The following GPC5 variants were observed in gnomAD, a reference collection of about 807,000 sequenced individuals.
GPC5 encodes the protein glypican 5, also known as glypican-5.
A neutral mutation model predicts 53.9 loss-of-function variants in GPC5; 47 were observed. The ratio of observed to expected loss-of-function variants is 0.87; its 90% CI spans 0.69 to 1.11. The LOEUF (loss-of-function observed/expected upper bound fraction) is 1.11, where lower values mean the gene tolerates loss of function less well. Among genes scored for constraint, GPC5 ranks in the 50% most tolerant of loss-of-function variants. The pLI is 0.00. For synonymous variants in GPC5, 286 were observed against 263.3 expected (o/e 1.09, Z -0.84); for missense variants, 748 against 713.1 (o/e 1.05, Z -0.56).
intron 7 of GPC5, among the ~76,000 whole-genome samples, chr13:92,278,198 A>T (rs2042889475): frequency 6.6e-6 from 1 of 151,948 alleles, no homozygotes; most frequent in African/African-American, 2.4e-5. Context: ...TGTGGTCTAC[A>T]TATTTAAAAT....
At chr13:91,956,919 G>A (rs1167229437) in intron 6 of GPC5, among the ~76,000 whole-genome samples, 1 of 152,074 alleles carries the variant, frequency 6.6e-6, no homozygotes, top group Non-Finnish European at 1.5e-5. Flanking sequence ...ACATGAAAAA[G>A]CAAGGAAATT....
chr13:92,524,066 A>G, intron 7 of GPC5, among the ~76,000 whole-genome samples: 1 of 152,060 alleles, frequency 6.6e-6, no homozygotes. Flanking sequence ...GGGTTGCTGT[A>G]ACAATTTATT....
chr13:91,749,101 T>C (rs944202730), intron 4 of GPC5, among the ~76,000 whole-genome samples: 3 of 152,148 alleles, frequency 2.0e-5, no homozygotes, highest in Non-Finnish European at 4.4e-5. Flanking sequence ...TGTTGTGTAG[T>C]AGTGAAGTCT....
intron 7 of GPC5, among the ~76,000 whole-genome samples, chr13:92,201,566 A>T (rs2042295488): frequency 6.6e-6 from 1 of 151,938 alleles, no homozygotes; most frequent in Admixed American, 6.5e-5. Context: ...TGAAGAATGA[A>T]CTCCATTCCA....
chr13:92,377,923 G>A (rs770354198), intron 7 of GPC5, among the ~76,000 whole-genome samples: 2 of 152,144 alleles, frequency 1.3e-5, no homozygotes, highest in Non-Finnish European at 1.5e-5. Context: ...TTTACTTCTT[G>A]TATCCTGAAT....
intron 6 of GPC5, among the ~76,000 whole-genome samples, chr13:92,029,635 G>A (rs1001469382): frequency 6.6e-6 from 1 of 152,206 alleles, no homozygotes; most frequent in Non-Finnish European, 1.5e-5. Flanking sequence ...GGTTTGAGGA[G>A]AGTGTGATTT....
intron 6 of GPC5, among the ~76,000 whole-genome samples, chr13:92,014,836 T>C (rs1174687024): frequency 6.6e-6 from 1 of 152,154 alleles, no homozygotes; most frequent in African/African-American, 2.4e-5. Flanking sequence ...ATCTATGCAT[T>C]AGAAAGATGA....
At chr13:91,601,474 C>T (rs554153094) in intron 2 of GPC5, among the ~76,000 whole-genome samples, 8 of 152,232 alleles carry the variant, frequency 5.3e-5, no homozygotes, top group Admixed American at 2.6e-4. Flanking sequence ...CCTACCAGTC[C>T]GTGGCCTGTT....
intron 7 of GPC5, among the ~76,000 whole-genome samples, chr13:92,207,951 A>C (rs2042349274): frequency 6.6e-6 from 1 of 152,234 alleles, no homozygotes; most frequent in Non-Finnish European, 1.5e-5. Flanking sequence ...TGTAACAATT[A>C]AACTTGTCCC....
chr13:91,942,341 C>T (rs1566354339), intron 6 of GPC5, among the ~76,000 whole-genome samples: 1 of 152,028 alleles, frequency 6.6e-6, no homozygotes, highest in African/African-American at 2.4e-5. Context: ...TTGTTACAGT[C>T]ATTTTATCAT....
chr13:92,153,385 G>A (rs1593937044), intron 7 of GPC5, among the ~76,000 whole-genome samples: 1 of 152,148 alleles, frequency 6.6e-6, no homozygotes, highest in Non-Finnish European at 1.5e-5. Flanking sequence ...TGATCCACCT[G>A]CCTCAGCCTC....
chr13:92,527,274 A>G (rs569855830), intron 7 of GPC5, among the ~76,000 whole-genome samples: 3 of 149,466 alleles, frequency 2.0e-5, no homozygotes, highest in African/African-American at 5.0e-5. Context: ...AAAGAAAGAA[A>G]GAAAGAAAAA....
intron 7 of GPC5, among the ~76,000 whole-genome samples, chr13:92,283,607 T>G (rs538770854): frequency 4.7e-4 from 72 of 152,342 alleles, no homozygotes; most frequent in African/African-American, 1.6e-3. Context: ...ACCGCTCAAC[T>G]ACATGGAAAC....
At chr13:92,186,729 C>G (rs1452261152) in intron 7 of GPC5, among the ~76,000 whole-genome samples, 1 of 152,176 alleles carries the variant, frequency 6.6e-6, no homozygotes. Flanking sequence ...CTTCAATCCA[C>G]TCATGTGTAA....
intron 7 of GPC5, among the ~76,000 whole-genome samples, chr13:92,477,363 A>G (rs1594235570): frequency 6.6e-6 from 1 of 152,156 alleles, no homozygotes; most frequent in South Asian, 2.1e-4. Flanking sequence ...AATACTTTAG[A>G]GTCCTCAGCC....
At chr13:91,987,746 G>T (rs572156168) in intron 6 of GPC5, among the ~76,000 whole-genome samples, 1 of 139,056 alleles carries the variant, frequency 7.2e-6, no homozygotes. Context: ...ACTATATATA[G>T]TATTTATATT....
At chr13:92,738,377 T>C (rs955135593) in intron 7 of GPC5, among the ~76,000 whole-genome samples, 1 of 152,096 alleles carries the variant, frequency 6.6e-6, no homozygotes, top group Non-Finnish European at 1.5e-5. Flanking sequence ...CCCCTTCCTG[T>C]AGCTATTTCA....
At position 92,495,020 on chromosome 13, in the gene GPC5, C is replaced by T. The variant is rs1168412197; in HGVS notation, c.1561+350031C>T. 3.9e-5 allele frequency among the ~76,000 whole-genome samples: 6 copies of T among 152,198 alleles called. No homozygotes were observed. The East Asian group carries it at 1.2e-3, about 29-fold the overall frequency. ...CAGATTTTCCATTTGAGTTATTTTGCTTAAGAGTCCACTTAGTTCTTGTTT... is the reference window on the plus strand; with the variant it reads ...CAGATTTTCCATTTGAGTTATTTTGTTTAAGAGTCCACTTAGTTCTTGTTT... On this transcript the variant is annotated intron_variant, in intron 7 of 7. Coordinates refer to ENST00000377067, the MANE Select transcript of GPC5 (RefSeq NM_004466.6).
chr13:92,851,669 C>T (rs1466016612), intron 7 of GPC5, among the ~76,000 whole-genome samples: 1 of 150,744 alleles, frequency 6.6e-6, no homozygotes, highest in Non-Finnish European at 1.5e-5. Context: ...ATCACAAGAT[C>T]AGGAGATTGA....
Sources: gnomAD v4.1 joint callset for allele counts (sites outside exome capture counted in the v4.1 genomes callset) on GRCh38, gnomAD v4.1.1 for gene constraint, MANE v1.5 for transcripts, NCBI Gene and HGNC (gene_info 2026-07-23, HGNC 2026-07-21) for gene names.